Variants in RERE observed in about 807,000 individuals in gnomAD.
RERE encodes arginine-glutamic acid dipeptide repeats protein.
RERE carries 40 observed loss-of-function variants against 146.1 expected under a neutral mutation model. The observed-to-expected ratio is 0.27, with a 90% CI of 0.21 to 0.36. The LOEUF (loss-of-function observed/expected upper bound fraction) is 0.36. Ranked by LOEUF, RERE falls within the 10% of genes least tolerant of loss-of-function variation. RERE has a pLI of 1.00. For synonymous variants in RERE, 1,003 were observed against 866.0 expected, an observed-to-expected ratio of 1.16 and a Z score of -2.78; for missense variants, 1,933 against 2,138.7, an observed-to-expected ratio of 0.90 and a Z score of 1.90.
At chr1:8,774,947 CTTT>C in intron 1 of RERE, among the ~76,000 whole-genome samples, 1 of 111,504 alleles carries the variant, frequency 9.0e-6, no homozygotes, top group African/African-American at 3.4e-5. Flanking sequence ...TTTCTTCTTT[CTTT>C]CTTTTTTTTT....
At chr1:8,422,887 G>T in intron 11 of RERE, 80 bp from the exon 12 acceptor site, 1 of 1,035,092 alleles carries the variant, frequency 9.7e-7, no homozygotes, top group Non-Finnish European at 1.5e-6. Context: ...TCTACAATCA[G>T]CAGAATAACA....
At chr1:8,675,665 G>A (rs1015427872) in intron 1 of RERE, among the ~76,000 whole-genome samples, 1 of 151,996 alleles carries the variant, frequency 6.6e-6, no homozygotes, top group African/African-American at 2.4e-5. Context: ...AGAGGTTGCA[G>A]CGAACTGAGA....
intron 2 of RERE, among the ~76,000 whole-genome samples, chr1:8,644,338 T>C (rs1403504077): frequency 6.6e-6 from 1 of 152,188 alleles, no homozygotes; most frequent in Non-Finnish European, 1.5e-5. Flanking sequence ...ATTCCAGTTA[T>C]AGCATGTGGT....
chr1:8,643,224 T>G (rs919724266), intron 2 of RERE, among the ~76,000 whole-genome samples: 1 of 152,144 alleles, frequency 6.6e-6, no homozygotes, highest in Non-Finnish European at 1.5e-5. Context: ...AATCCATGAG[T>G]AGGTCATCAC....
At chr1:8,463,656 G>GGAGA (rs529687659) in intron 11 of RERE, among the ~76,000 whole-genome samples, 1,615 of 152,310 alleles carry the variant, frequency 0.011, 11 homozygotes, top group Non-Finnish European at 0.014. Flanking sequence ...AAGGGAGAGA[G>GGAGA]GAGAGCCATG....
At chr1:8,673,929 A>G (rs1638777625) in intron 1 of RERE, among the ~76,000 whole-genome samples, 1 of 152,142 alleles carries the variant, frequency 6.6e-6, no homozygotes, top group African/African-American at 2.4e-5. Flanking sequence ...GCTACTCTAG[A>G]GGCTGAGGTG....
At chr1:8,810,832 C>T (rs187193316) in intron 1 of RERE, among the ~76,000 whole-genome samples, 1 of 152,140 alleles carries the variant, frequency 6.6e-6, no homozygotes, top group Non-Finnish European at 1.5e-5. Flanking sequence ...TCACCCCACA[C>T]TTAAAATACT....
intron 11 of RERE, among the ~76,000 whole-genome samples, chr1:8,464,532 T>G (rs1267032731): frequency 6.6e-6 from 1 of 152,114 alleles, no homozygotes; most frequent in Non-Finnish European, 1.5e-5. Context: ...GTGGGGCACA[T>G]CACCATGCCC....
intron 12 of RERE, among the ~76,000 whole-genome samples, chr1:8,385,999 T>TAA (rs1557603085): frequency 3.4e-5 from 1 of 29,130 alleles, no homozygotes; most frequent in African/African-American, 1.3e-4. Context: ...AAAAAATATA[T>TAA]ATATATATAT....
intron 1 of RERE, among the ~76,000 whole-genome samples, chr1:8,728,791 G>A (rs1466484960): frequency 6.6e-6 from 1 of 152,202 alleles, no homozygotes; most frequent in Non-Finnish European, 1.5e-5. Context: ...ATCCTTTGGG[G>A]CATAAAGTGA....
At chr1:8,683,031 C>A (rs1336698327) in intron 1 of RERE, among the ~76,000 whole-genome samples, 145 of 65,748 alleles carry the variant, frequency 2.2e-3, no homozygotes, top group East Asian at 6.7e-3. Context: ...CTGTCTTTAC[C>A]AAAAAAAAAA....
intron 1 of RERE, among the ~76,000 whole-genome samples, chr1:8,668,408 C>G (rs543259606): frequency 8.1e-4 from 123 of 152,214 alleles, no homozygotes; most frequent in Non-Finnish European, 1.2e-3. Context: ...CGCTGTCACA[C>G]AACTAAAGAG....
intron 1 of RERE, chr1:8,753,636 T>C (rs1385255107): frequency 1.3e-5 from 2 of 152,188 alleles, no homozygotes; most frequent in East Asian, 1.9e-4. Context: ...TAACACTCAG[T>C]TTTAACTAAT....
intron 8 of RERE, among the ~76,000 whole-genome samples, chr1:8,501,103 C>T (rs1368419703): frequency 1.4e-5 from 2 of 143,634 alleles, no homozygotes; most frequent in Non-Finnish European, 3.1e-5. Flanking sequence ...TCTGCCCGGC[C>T]GCCCCTACTG....
chr1:8,447,532 T>C (rs1263282615), intron 11 of RERE, among the ~76,000 whole-genome samples: 1 of 152,218 alleles, frequency 6.6e-6, no homozygotes, highest in African/African-American at 2.4e-5. Flanking sequence ...GTTTATTAGT[T>C]TTCCTTCTAA....
At chr1:8,671,975 G>GA (rs1430193145) in intron 1 of RERE, among the ~76,000 whole-genome samples, 3 of 152,054 alleles carry the variant, frequency 2.0e-5, no homozygotes, top group Non-Finnish European at 2.9e-5. Flanking sequence ...GCTAGATTTA[G>GA]AAAAAACATC....
chr1:8,380,964 AG>A (rs1642428525), intron 12 of RERE: 1 of 456,478 alleles, frequency 2.2e-6, no homozygotes, highest in Non-Finnish European at 4.4e-6. Context: ...CCTGGGTAAA[AG>A]GGACCAATGG....
intron 12 of RERE, among the ~76,000 whole-genome samples, chr1:8,384,465 T>C (rs79844022): frequency 0.013 from 1,932 of 152,272 alleles, 39 homozygotes; most frequent in African/African-American, 0.044. Context: ...GATCCTCTCC[T>C]GGGAACTCAA....
At chr1:8,366,568 C>A (rs1641810690) in intron 12 of RERE, among the ~76,000 whole-genome samples, 1 of 152,172 alleles carries the variant, frequency 6.6e-6, no homozygotes, top group Non-Finnish European at 1.5e-5. Context: ...GCTCCACAGC[C>A]TCCACCTGGC....
Sources: allele counts gnomAD v4.1 joint callset (sites outside exome capture counted in the v4.1 genomes callset), GRCh38; gene constraint gnomAD v4.1.1; transcripts MANE v1.5; gene names NCBI Gene and HGNC (gene_info 2026-07-23, HGNC 2026-07-21).